The following TRPM4 variants were observed in gnomAD, a reference collection of about 807,000 sequenced individuals.
TRPM4 encodes the protein transient receptor potential cation channel subfamily M member 4.
Under a neutral mutation model 135.6 loss-of-function variants are expected in TRPM4, and 124 were observed. The observed-to-expected ratio is 0.91, with a 90% CI of 0.79 to 1.06. The LOEUF is 1.06. Ranked by LOEUF, TRPM4 falls within the 50% of genes least tolerant of loss-of-function variation. The probability of loss-of-function intolerance (pLI) is 0.00; values close to 1 mark genes in which losing one functional copy is unlikely to be tolerated. For missense variants in TRPM4, 1,658 were observed against 1,671.4 expected (o/e 0.99, Z 0.14); for synonymous variants, 745 against 705.6 (o/e 1.06, Z -0.88).
At chr19:49,181,530 CTTTTT>C (rs35727661) in intron 10 of TRPM4, 69 bp downstream of exon 10, 1,290 of 516,008 alleles carry the variant, frequency 2.5e-3, no homozygotes, top group East Asian at 3.8e-3. Context: ...TCTCTGCCTT[CTTTTT>C]TTTTTTTTTT....
In TRPM4 at chr19:49,188,703, G is replaced by C; in HGVS notation, c.1806G>C (p.Leu602=). Residue 602 remains leucine, a synonymous_variant, in exon 13 of 25, where the codon CTG becomes CTC. Coordinates refer to ENST00000252826, the MANE Select transcript of TRPM4 (RefSeq NM_017636.4). ...ACLLLRVMAR[L]EPDAEEAARR... The stretch of plus-strand genomic sequence containing the variant: ...TGCTGCTCCGGGTGATGGCACGCCT[G>C]GAGCCTGACGCTGAGGAGGCAGCAC... The C allele has an allele frequency of 6.2e-7, 1 of 1,614,204 alleles. No homozygotes were observed. The highest frequency in any genetic ancestry group is 8.5e-7 in the Non-Finnish European group (1 of 1,180,046).
chr19:49,170,163 T>C (rs556063165), intron 6 of TRPM4, among the ~76,000 whole-genome samples: 1 of 152,274 alleles, frequency 6.6e-6, no homozygotes, highest in East Asian at 1.9e-4. Context: ...AATACAGTGT[T>C]AGTGGTAATG....
chr19:49,168,173 C>T, intron 4 of TRPM4, 76 bp downstream of exon 4: 1 of 1,583,026 alleles, frequency 6.3e-7, no homozygotes, highest in African/African-American at 1.4e-5. Context: ...TGGGTGGCCT[C>T]CCCCGCCGCC....
At chr19:49,172,210 C>T in intron 9 of TRPM4, 102 bp downstream of exon 9, 1 of 884,092 alleles carries the variant, frequency 1.1e-6, no homozygotes, top group Non-Finnish European at 1.9e-6. Flanking sequence ...AAGGCCCATG[C>T]CCCCTTTACC....
chr19:49,200,345 C>A lies in TRPM4; in HGVS notation c.2691C>A (p.Ile897=). 1 of 1,614,104 alleles carries A rather than the reference C, an allele frequency of 6.2e-7. No individual in the cohort carries two copies. The highest frequency in any genetic ancestry group is 8.5e-7 in the Non-Finnish European group (1 of 1,180,036). The change falls in exon 18 of 25, where the codon ATC becomes ATA. Residue 897 remains isoleucine, a synonymous_variant. Transcript: ENST00000252826. ...LYHLGRTVLC[I]DFMVFTVRLL... is the part of the protein sequence containing the mutation. ...ACCTGGGCCGCACTGTCCTCTGCAT[C>A]GACTTCATGGTTTTCACGGTGCGGC...
At chr19:49,175,928 CTTTT>C (rs34213157) in intron 9 of TRPM4, among the ~76,000 whole-genome samples, 1 of 109,216 alleles carries the variant, frequency 9.2e-6, no homozygotes, top group Non-Finnish European at 1.8e-5. Context: ...CGCCCGGCCT[CTTTT>C]TTTTTTTTTT....
At position 49,210,406 on chromosome 19, in the gene TRPM4, G is replaced by T. The variant is rs756981657; in HGVS notation, c.3328+1G>T. 2 of 1,613,188 alleles carry T rather than the reference G, an allele frequency of 1.2e-6. No individual in the cohort carries two copies. Among genetic ancestry groups the T allele is most frequent in the Admixed American group, 1.7e-5 (1 of 60,026 alleles). ...TCCTCCCCGGCCCTCGAGCATTTCC[G>T]TAAGAACAGAGCTTGGCTTAAAAAG... On this transcript the variant is annotated splice_donor_variant, in intron 21 of 24. Transcript: ENST00000252826. LOFTEE classifies it high-confidence loss of function. This position sits in a 1 kb window ranked among gnomAD's most constrained non-coding sequence, Gnocchi z 4.1.
At chr19:49,185,295 C>T (rs1338326664) in intron 12 of TRPM4, among the ~76,000 whole-genome samples, 3 of 152,120 alleles carry the variant, frequency 2.0e-5, no homozygotes, top group African/African-American at 7.2e-5. Context: ...GTCACTCAGA[C>T]TGGACTGCAG....
At position 49,182,574 on chromosome 19, in the gene TRPM4, C is replaced by A. The variant is rs370194840; in HGVS notation, c.1264-4C>A. 1.2e-6 allele frequency: 2 copies of A among 1,611,642 alleles called. No individual in the cohort carries two copies. Among genetic ancestry groups the A allele is most frequent in the African/African-American group, 2.7e-5 (2 of 74,934 alleles). Reference sequence around the variant, plus strand: ...CTCTTCCCCTATTCATCCCACCCTGCCAGTCCTTCCATCTCGAAGCTTCCC... The same window carrying A: ...CTCTTCCCCTATTCATCCCACCCTGACAGTCCTTCCATCTCGAAGCTTCCC... On this transcript the variant is annotated splice_polypyrimidine_tract_variant and splice_region_variant and intron_variant, in intron 10 of 24. Transcript: ENST00000252826.
chr19:49,178,762 T>TA (rs11446693), intron 9 of TRPM4, among the ~76,000 whole-genome samples: 7,449 of 149,568 alleles, frequency 0.05, 491 homozygotes, highest in African/African-American at 0.15. Flanking sequence ...TTATTTTTAT[T>TA]TTTTTATTTT....
At chr19:49,190,885 C>A in intron 16 of TRPM4, 112 bp downstream of exon 16, 2 of 850,008 alleles carry the variant, frequency 2.4e-6, no homozygotes, top group South Asian at 1.7e-5. Flanking sequence ...AGTTGCTAAA[C>A]CTGAGACTGA....
intron 4 of TRPM4, 72 bp from the exon 5 acceptor site, chr19:49,168,188 G>A: frequency 6.2e-7 from 1 of 1,604,288 alleles, no homozygotes; most frequent in Non-Finnish European, 8.5e-7. Context: ...GCCGCCCAGT[G>A]TGTGTGTGTG....
intron 9 of TRPM4, among the ~76,000 whole-genome samples, chr19:49,172,479 T>C (rs933171740): frequency 6.6e-6 from 1 of 151,318 alleles, no homozygotes; most frequent in East Asian, 2.0e-4. Context: ...GAGAATTCCA[T>C]CCGCTCATTC....
rs1382962364 is a variant in TRPM4 at position 49,190,716 on chromosome 19, C to G, written c.2153C>G (p.Thr718Arg). 9 of 1,614,018 alleles carry G rather than the reference C, an allele frequency of 5.6e-6. No homozygotes were observed. Among genetic ancestry groups the G allele is most frequent in the Non-Finnish European group, 6.8e-6 (8 of 1,180,040 alleles). The change falls in exon 16 of 25, where the codon ACA becomes AGA. Residue 718 changes from threonine (T) to arginine (R), a missense_variant. Around this residue, in one of 3 missense-constraint regions of TRPM4, gnomAD observed 1,412 missense variants for 1,408.7 expected, o/e 1.00. Coordinates refer to ENST00000252826, the MANE Select transcript of TRPM4 (RefSeq NM_017636.4). ...GCTAGGAAATCAGAAGAGGAGCCCA[C>G]ACGGGAGGAGCTAGAGTTTGACATG... ...ITFRKSEEEPTREELEFDMDS... is the reference protein window; with the variant it reads ...ITFRKSEEEPRREELEFDMDS...
At chr19:49,208,845 G>T (rs1000260963) in intron 20 of TRPM4, among the ~76,000 whole-genome samples, 3 of 151,762 alleles carry the variant, frequency 2.0e-5, no homozygotes, top group African/African-American at 7.3e-5. Context: ...TGTAGTCCCA[G>T]CTACTCAGGA....
At chr19:49,198,033 G>T (rs1968764138) in intron 17 of TRPM4, among the ~76,000 whole-genome samples, 1 of 152,016 alleles carries the variant, frequency 6.6e-6, no homozygotes, top group Non-Finnish European at 1.5e-5. Flanking sequence ...CATCCTGAAT[G>T]GTTGACAGTG....
In TRPM4 at chr19:49,182,823, G is replaced by A; in HGVS notation, c.1509G>A (p.Val503=). ...GGAAELRPPD[V]GHVLRMLLGK... ...CTGCGGAGCTCCGGCCCCCTGACGTGGGGCATGTGCTGAGGATGCTGCTGG... is the reference window on the plus strand; with the variant it reads ...CTGCGGAGCTCCGGCCCCCTGACGTAGGGCATGTGCTGAGGATGCTGCTGG... Residue 503 remains valine, a synonymous_variant, in exon 11 of 25, where the codon GTG becomes GTA. Transcript: ENST00000252826. 1.2e-6 allele frequency: 2 copies of A among 1,613,354 alleles called. No individual in the cohort carries two copies. The highest frequency in any genetic ancestry group is 1.7e-6 in the Non-Finnish European group (2 of 1,179,818).
intron 9 of TRPM4, among the ~76,000 whole-genome samples, chr19:49,175,596 C>T (rs965591019): frequency 6.6e-6 from 1 of 152,010 alleles, no homozygotes; most frequent in Non-Finnish European, 1.5e-5. Context: ...ACCTCAGCTC[C>T]CCACCCATGT....
chr19:49,158,271 G>C lies in TRPM4; in HGVS notation c.92+12G>C, dbSNP rs377431946. On this transcript the variant is annotated intron_variant, in intron 2 of 24. Coordinates refer to ENST00000252826, the MANE Select transcript of TRPM4 (RefSeq NM_017636.4). ...TCCACAGATCCGGGGTGAGGAGTTC[G>C]CCCCTGGACTGACCCCAGAGGGTCC... 3.8e-5 allele frequency: 61 copies of C among 1,612,726 alleles called. No individual in the cohort carries two copies. The highest frequency in any genetic ancestry group is 5.0e-5 in the Non-Finnish European group (59 of 1,179,148).
Sources: gnomAD v4.1 joint callset for allele counts (sites outside exome capture counted in the v4.1 genomes callset) on GRCh38, gnomAD v4.1.1 for gene constraint, gnomAD v4.1.1 regional missense constraint, Gnocchi (gnomAD v3.1) non-coding constraint, MANE v1.5 for transcripts, NCBI Gene and HGNC (gene_info 2026-07-23, HGNC 2026-07-21) for gene names.